Variants in KCNQ3 observed in about 807,000 individuals in gnomAD.
KCNQ3 encodes the protein potassium voltage-gated channel subfamily KQT member 3.
Under a neutral mutation model 92.5 loss-of-function variants are expected in KCNQ3, and 30 were observed. The observed-to-expected ratio is 0.32, with a 90% CI of 0.24 to 0.44. The LOEUF is 0.44. KCNQ3 is among the 20% of genes least tolerant of loss of function. The probability of loss-of-function intolerance (pLI) is 1.00; values close to 1 mark genes in which losing one functional copy is unlikely to be tolerated. For missense variants in KCNQ3, 913 were observed against 1,140.3 expected (o/e 0.80, Z 2.87); for synonymous variants, 450 against 468.8 (o/e 0.96, Z 0.52).
chr8:132,362,506 T>C (rs542322926), intron 1 of KCNQ3, among the ~76,000 whole-genome samples: 5 of 152,204 alleles, frequency 3.3e-5, no homozygotes, highest in African/African-American at 7.2e-5. Context: ...CTCAGGTCAG[T>C]TGGGGGCAAT....
At chr8:132,449,006 G>A (rs147183056) in intron 1 of KCNQ3, among the ~76,000 whole-genome samples, 6 of 152,246 alleles carry the variant, frequency 3.9e-5, no homozygotes, top group African/African-American at 7.2e-5. Flanking sequence ...CACCGGCTTC[G>A]GTGTAGACTA....
intron 1 of KCNQ3, among the ~76,000 whole-genome samples, chr8:132,399,989 A>T (rs1274901419): frequency 6.6e-6 from 1 of 152,192 alleles, no homozygotes; most frequent in Non-Finnish European, 1.5e-5. Flanking sequence ...ACAACAACCT[A>T]CCGGGTGCCC....
At chr8:132,308,929 T>G (rs1817513496) in intron 1 of KCNQ3, among the ~76,000 whole-genome samples, 1 of 152,182 alleles carries the variant, frequency 6.6e-6, no homozygotes, top group Admixed American at 6.5e-5. Flanking sequence ...AGGGTCAGCT[T>G]GATTGGATTG....
chr8:132,241,054 A>G (rs1244303533), intron 1 of KCNQ3, among the ~76,000 whole-genome samples: 4 of 151,602 alleles, frequency 2.6e-5, no homozygotes, highest in Non-Finnish European at 5.9e-5. Context: ...ATGCCTGGCT[A>G]ATTTTTGTAT....
chr8:132,480,464 G>A lies in KCNQ3; in HGVS notation c.69C>T (p.Gly23=), dbSNP rs1213707901. 5 of 1,257,086 alleles carry A rather than the reference G, an allele frequency of 4.0e-6. No homozygotes were observed. Among genetic ancestry groups the A allele is most frequent in the Admixed American group, 3.9e-5 (1 of 25,488 alleles). 77.9% of individuals were successfully genotyped at this position (1,257,086 alleles called of 1,614,324 possible). A position where few individuals can be genotyped will look rare whatever the true frequency, so the allele number is the denominator to read the frequency against. Residue 23 remains glycine (G), a synonymous_variant, in exon 1 of 15, where the codon GGC becomes GGT. Coordinates refer to ENST00000388996, the MANE Select transcript of KCNQ3 (RefSeq NM_004519.4). ...CCCCTCCGGCTGGGTTAGCCGCCCC[G>A]CCGCCTCCGCCGCCCCCGTCGCCGC... ...GGGGDGGGGG[G]GAANPAGGDA...
At chr8:132,451,684 G>A (rs925323068) in intron 1 of KCNQ3, among the ~76,000 whole-genome samples, 4 of 152,248 alleles carry the variant, frequency 2.6e-5, no homozygotes, top group African/African-American at 9.6e-5. Flanking sequence ...TCCAACGCTG[G>A]AGCAGCAGAG....
intron 9 of KCNQ3, among the ~76,000 whole-genome samples, chr8:132,142,780 T>C (rs1825336498): frequency 6.6e-6 from 1 of 152,192 alleles, no homozygotes; most frequent in African/African-American, 2.4e-5. Context: ...AGGCTAGTCA[T>C]GTGCCCCTGC....
At chr8:132,285,833 T>C (rs1816664857) in intron 1 of KCNQ3, among the ~76,000 whole-genome samples, 1 of 152,140 alleles carries the variant, frequency 6.6e-6, no homozygotes, top group Non-Finnish European at 1.5e-5. Context: ...ACCCAGGGTG[T>C]TCCCAACTGG....
intron 1 of KCNQ3, among the ~76,000 whole-genome samples, chr8:132,466,347 T>G (rs1467097266): frequency 6.6e-6 from 1 of 151,732 alleles, no homozygotes; most frequent in Non-Finnish European, 1.5e-5. Context: ...TTTCTTTACT[T>G]ACGAACCAGA....
intron 7 of KCNQ3, among the ~76,000 whole-genome samples, chr8:132,171,238 A>T (rs1254584497): frequency 6.6e-6 from 1 of 152,058 alleles, no homozygotes; most frequent in Non-Finnish European, 1.5e-5. Flanking sequence ...TTAATGGGTC[A>T]GGCTCTTGGA....
chr8:132,395,654 G>A (rs1820172725), intron 1 of KCNQ3, among the ~76,000 whole-genome samples: 1 of 152,234 alleles, frequency 6.6e-6, no homozygotes, highest in African/African-American at 2.4e-5. Context: ...TCCTACTAAA[G>A]AGATTTCTCA....
intron 1 of KCNQ3, among the ~76,000 whole-genome samples, chr8:132,303,752 T>C (rs1817326262): frequency 6.9e-6 from 1 of 145,086 alleles, no homozygotes; most frequent in Non-Finnish European, 1.5e-5. Context: ...TATGTGTATA[T>C]ATGTATATAT....
intron 1 of KCNQ3, among the ~76,000 whole-genome samples, chr8:132,203,655 T>C (rs1827531150): frequency 6.6e-6 from 1 of 152,198 alleles, no homozygotes; most frequent in South Asian, 2.1e-4. Context: ...TTTATTGCTG[T>C]GTGACTCTGA....
intron 1 of KCNQ3, among the ~76,000 whole-genome samples, chr8:132,465,571 T>C (rs1370559474): frequency 6.6e-6 from 1 of 151,452 alleles, no homozygotes; most frequent in Admixed American, 6.6e-5. Context: ...CTACTAAAAA[T>C]ACAAAAAATA....
In KCNQ3 at chr8:132,300,660, A is replaced by T. The variant is rs557827532; in HGVS notation, c.387-114479T>A. On this transcript the variant is annotated intron_variant, in intron 1 of 14. Transcript: ENST00000388996. ...AGGAATAGCTATGTTTTCCAAAACT[A>T]CCTGGGCAAGTTAGCCCCACGCAAC... 9.9e-5 allele frequency among the ~76,000 whole-genome samples: 15 copies of T among 152,280 alleles called. No individual in the cohort carries two copies. The South Asian group carries it at 2.9e-3, about 29-fold the overall frequency.
At position 132,448,633 on chromosome 8, in the gene KCNQ3, A is replaced by G. The variant is rs1821749579; in HGVS notation, c.386+31514T>C. Among the ~76,000 whole-genome samples the G allele has an allele frequency of 2.0e-5, 3 of 152,320 alleles. No homozygotes were observed. The South Asian group carries it at 6.2e-4, about 32-fold the overall frequency. On this transcript the variant is annotated intron_variant, in intron 1 of 14. Coordinates refer to ENST00000388996, the MANE Select transcript of KCNQ3 (RefSeq NM_004519.4). ...GCTATTTTATAGCTAGGAAAAACTA[A>G]GCAAAAGCAATCTCTGGTCACAGCT...
At chr8:132,302,296 G>A (rs186698387) in intron 1 of KCNQ3, among the ~76,000 whole-genome samples, 20 of 152,214 alleles carry the variant, frequency 1.3e-4, no homozygotes, top group Admixed American at 5.2e-4. Context: ...TTTTACACTC[G>A]AATCCAGATT....
At position 132,480,668 on chromosome 8, in the gene KCNQ3, C is replaced by T; in HGVS notation, c.-136G>A. ...AATGCCATGATCCGCGCGCCCCTCC[C>T]CACCCCCCCCCAAAAGCAGGCAAAG... is the stretch of plus-strand genomic sequence containing the variant. On this transcript the variant is annotated 5_prime_UTR_variant, in exon 1 of 15. Coordinates refer to ENST00000388996, the MANE Select transcript of KCNQ3 (RefSeq NM_004519.4). 2.2e-6 allele frequency: 2 copies of T among 918,744 alleles called. No homozygotes were observed. Among genetic ancestry groups the T allele is most frequent in the Non-Finnish European group, 1.3e-6 (1 of 759,066 alleles). The allele number at this position is 918,744 out of a possible 1,614,324, so 56.9% of individuals were successfully genotyped here. A position where few individuals can be genotyped will look rare whatever the true frequency, so the allele number is the denominator to read the frequency against.
At chr8:132,255,872 G>T (rs1207966174) in intron 1 of KCNQ3, among the ~76,000 whole-genome samples, 1 of 152,120 alleles carries the variant, frequency 6.6e-6, no homozygotes, top group Non-Finnish European at 1.5e-5. Context: ...AACCCTGGGG[G>T]ATCTAATTTC....
Sources: allele counts gnomAD v4.1 joint callset (sites outside exome capture counted in the v4.1 genomes callset), GRCh38; gene constraint gnomAD v4.1.1; transcripts MANE v1.5; gene names NCBI Gene and HGNC (gene_info 2026-07-23, HGNC 2026-07-21).